The following NWD1 variants were observed in gnomAD, a reference collection of about 807,000 sequenced individuals.
NWD1 encodes NACHT and WD repeat domain containing 1, also known as NACHT domain- and WD repeat-containing protein 1.
A neutral mutation model predicts 135.1 loss-of-function variants in NWD1; 129 were observed. The ratio of observed to expected loss-of-function variants is 0.96; its 90% CI spans 0.83 to 1.11. NWD1 has a LOEUF of 1.11. Among genes scored for constraint, NWD1 ranks in the 50% least tolerant of loss-of-function variants. The pLI is 0.00. For synonymous variants in NWD1, 773 were observed against 786.0 expected, an observed-to-expected ratio of 0.98 and a Z score of 0.28; for missense variants, 1,740 against 1,851.3, an observed-to-expected ratio of 0.94 and a Z score of 1.10.
In NWD1 at chr19:16,725,091, A is replaced by G. The variant is rs374691203; in HGVS notation, c.-7+628A>G. ...CAGTGGTATGATCTTGGCTCACTGCAACCTCTCTGCCTCCCAGGTTCACGC... is the reference window on the plus strand; with the variant it reads ...CAGTGGTATGATCTTGGCTCACTGCGACCTCTCTGCCTCCCAGGTTCACGC... On this transcript the variant is annotated intron_variant, in intron 2 of 18. Transcript: ENST00000524140. Among the ~76,000 whole-genome samples, 14 of 150,878 alleles carry G rather than the reference A, an allele frequency of 9.3e-5. No homozygotes were observed. In the South Asian group the frequency reaches 2.8e-3, roughly 30 times the overall value.
intron 11 of NWD1, among the ~76,000 whole-genome samples, chr19:16,775,257 T>C (rs1182967010): frequency 6.6e-6 from 1 of 151,772 alleles, no homozygotes; most frequent in Admixed American, 6.6e-5. Context: ...GCTAGCTTAG[T>C]GGGAAAGAGT....
At chr19:16,736,865 T>A in intron 4 of NWD1, 115 bp downstream of exon 4, 1 of 692,010 alleles carries the variant, frequency 1.4e-6, no homozygotes, top group Non-Finnish European at 2.6e-6. Flanking sequence ...TCGTACCTTA[T>A]CCCTATGGCC....
Position 16,800,167 on chromosome 19 carries a change from G to A in NWD1, c.3736+5G>A. On this transcript the variant is annotated splice_donor_5th_base_variant and intron_variant, in intron 17 of 18. Transcript: ENST00000524140. ...CTATTTGGGACTTGGCAGAAGGTTG[G>A]TAAGGTATAAGTATGGTCATTTTTG... 1 of 1,606,882 alleles carries A rather than the reference G, an allele frequency of 6.2e-7. No individual in the cohort carries two copies.
At chr19:16,760,512 G>A (rs1215632717) in intron 7 of NWD1, among the ~76,000 whole-genome samples, 3 of 151,878 alleles carry the variant, frequency 2.0e-5, no homozygotes, top group African/African-American at 4.8e-5. Context: ...CACCCACATC[G>A]GCCTCCCAAA....
At chr19:16,772,222 A>C (rs1288475818) in intron 10 of NWD1, among the ~76,000 whole-genome samples, 1 of 152,066 alleles carries the variant, frequency 6.6e-6, no homozygotes, top group Non-Finnish European at 1.5e-5. Context: ...AAAACTAACG[A>C]GGCGTGGTGA....
chr19:16,735,703 G>A (rs1244349559), intron 3 of NWD1, among the ~76,000 whole-genome samples: 1 of 151,728 alleles, frequency 6.6e-6, no homozygotes, highest in Non-Finnish European at 1.5e-5. Context: ...GGTGGTGTGC[G>A]CCTGTAGTTC....
chr19:16,778,060 A>G (rs1298211811), intron 11 of NWD1, among the ~76,000 whole-genome samples: 1 of 151,936 alleles, frequency 6.6e-6, no homozygotes. Context: ...AGAAAGGAAA[A>G]GAAAACAAAT....
chr19:16,729,592 A>T (rs1439487113), intron 2 of NWD1, among the ~76,000 whole-genome samples: 1 of 151,700 alleles, frequency 6.6e-6, no homozygotes, highest in Non-Finnish European at 1.5e-5. Context: ...AAAAAAAAAA[A>T]ATAGGCTGGG....
intron 4 of NWD1, among the ~76,000 whole-genome samples, chr19:16,741,458 T>G (rs375256551): frequency 6.7e-6 from 1 of 149,842 alleles, no homozygotes; most frequent in Non-Finnish European, 1.5e-5. Context: ...CTCCCTCTCC[T>G]GGGTTCAAGC....
intron 3 of NWD1, among the ~76,000 whole-genome samples, chr19:16,734,607 C>T (rs1386256122): frequency 4.7e-5 from 7 of 147,442 alleles, no homozygotes; most frequent in African/African-American, 1.3e-4. Flanking sequence ...AACAGGGTGT[C>T]GCTCTGTCAC....
chr19:16,756,392 A>T (rs893814147), intron 6 of NWD1, among the ~76,000 whole-genome samples: 3 of 152,072 alleles, frequency 2.0e-5, no homozygotes, highest in Non-Finnish European at 4.4e-5. Context: ...GGAGAAGGGG[A>T]CTTGGTCTTG....
At chr19:16,784,215 A>G (rs961685060) in intron 12 of NWD1, among the ~76,000 whole-genome samples, 3 of 151,788 alleles carry the variant, frequency 2.0e-5, no homozygotes, top group Non-Finnish European at 4.4e-5. Flanking sequence ...AAAGAAAAAA[A>G]AAAAAAGAAA....
At chr19:16,805,313 C>T (rs1970717439) in intron 17 of NWD1, among the ~76,000 whole-genome samples, 1 of 152,056 alleles carries the variant, frequency 6.6e-6, no homozygotes, top group Non-Finnish European at 1.5e-5. Context: ...CCTGCCTCGG[C>T]CTCCCAAAGT....
chr19:16,756,045 G>A (rs758244616), intron 6 of NWD1, among the ~76,000 whole-genome samples: 4 of 152,100 alleles, frequency 2.6e-5, no homozygotes, highest in African/African-American at 4.8e-5. Context: ...ATTACAGACT[G>A]TATTCCTACA....
At chr19:16,764,692 C>CCT (rs149038284) in intron 9 of NWD1, among the ~76,000 whole-genome samples, 15 of 150,328 alleles carry the variant, frequency 1.0e-4, no homozygotes, top group South Asian at 2.1e-4. Context: ...TTTCTATCTC[C>CCT]CTCTCTCTCT....
At position 16,791,563 on chromosome 19, in the gene NWD1, G is replaced by A. The variant is rs181694927; in HGVS notation, c.3154G>A (p.Val1052Ile). ...SIKEETPTCA[V>I]SVQKQGKLVT... ...CAAAGAAGAAACACCTACCTGTGCC[G>A]TCTCAGTCCAGAAGCAAGGAAAGCT... The change falls in exon 14 of 19, where the codon GTC becomes ATC. Residue 1052 changes from valine to isoleucine, a missense_variant. Coordinates refer to ENST00000524140, the MANE Select transcript of NWD1 (RefSeq NM_001007525.5). 31 of 1,614,160 alleles carry A rather than the reference G, an allele frequency of 1.9e-5. No homozygotes were observed. The highest frequency in any genetic ancestry group is 8.0e-5 in the African/African-American group (6 of 75,038).
intron 6 of NWD1, among the ~76,000 whole-genome samples, chr19:16,752,391 C>T (rs1968616122): frequency 6.6e-6 from 1 of 152,092 alleles, no homozygotes; most frequent in African/African-American, 2.4e-5. Flanking sequence ...TGCAGTAGCT[C>T]ACTCCTGTAA....
chr19:16,786,837 C>A (rs887461072), intron 12 of NWD1, among the ~76,000 whole-genome samples: 113 of 152,318 alleles, frequency 7.4e-4, no homozygotes, highest in African/African-American at 2.6e-3. Context: ...CAGGCATGAG[C>A]CACCCTGCCC....
chr19:16,752,809 C>A (rs1427574841), intron 6 of NWD1, among the ~76,000 whole-genome samples: 1 of 152,102 alleles, frequency 6.6e-6, no homozygotes, highest in Non-Finnish European at 1.5e-5. Flanking sequence ...CCAGCCTGGG[C>A]AACAAAGTGA....
Sources: allele counts gnomAD v4.1 joint callset (sites outside exome capture counted in the v4.1 genomes callset), GRCh38; gene constraint gnomAD v4.1.1; transcripts MANE v1.5; gene names NCBI Gene and HGNC (gene_info 2026-07-23, HGNC 2026-07-21).